Variants in EFCC1 observed in about 807,000 individuals in gnomAD.
EFCC1 encodes EF-hand and coiled-coil domain containing 1, also known as EF-hand and coiled-coil domain-containing protein 1.
Under a neutral mutation model 52.1 loss-of-function variants are expected in EFCC1, and 50 were observed. That is an observed-to-expected ratio of 0.96 (90% CI 0.76 to 1.21). EFCC1 has a LOEUF of 1.21. EFCC1 is among the 50% of genes most tolerant of loss of function. The probability of loss-of-function intolerance (pLI) is 0.00; values close to 1 mark genes in which losing one functional copy is unlikely to be tolerated. For missense variants in EFCC1, 837 were observed against 867.3 expected, an observed-to-expected ratio of 0.97 and a Z score of 0.44; for synonymous variants, 399 against 396.5, an observed-to-expected ratio of 1.01 and a Z score of -0.08.
chr3:129,009,453 A>G (rs1269040747), intron 2 of EFCC1, among the ~76,000 whole-genome samples: 1 of 152,206 alleles, frequency 6.6e-6, no homozygotes, highest in African/African-American at 2.4e-5. Flanking sequence ...ACCATCTGTC[A>G]TCTGAACCAT....
intron 2 of EFCC1, among the ~76,000 whole-genome samples, chr3:129,018,151 C>T (rs1253888730): frequency 1.3e-5 from 2 of 152,116 alleles, no homozygotes; most frequent in Non-Finnish European, 2.9e-5. Flanking sequence ...TTAGGAAATC[C>T]AGAGGTGCTG....
At chr3:129,005,301 A>G (rs1279057860) in intron 2 of EFCC1, among the ~76,000 whole-genome samples, 2 of 152,254 alleles carry the variant, frequency 1.3e-5, no homozygotes. Flanking sequence ...TTACCGGGCC[A>G]GATGGAGAGA....
intron 2 of EFCC1, among the ~76,000 whole-genome samples, chr3:129,012,349 C>T (rs1488661610): frequency 6.6e-6 from 1 of 152,126 alleles, no homozygotes; most frequent in Non-Finnish European, 1.5e-5. Flanking sequence ...CTGGGGTGTG[C>T]CTGCATTTGC....
chr3:129,007,590 TCTC>T (rs1484772201), intron 2 of EFCC1, among the ~76,000 whole-genome samples: 1 of 152,260 alleles, frequency 6.6e-6, no homozygotes, highest in Non-Finnish European at 1.5e-5. Flanking sequence ...ACGCTGATCT[TCTC>T]ATCTTCCCTC....
intron 5 of EFCC1, among the ~76,000 whole-genome samples, chr3:129,035,107 T>A (rs1380301394): frequency 3.9e-5 from 6 of 152,240 alleles, no homozygotes; most frequent in Admixed American, 1.3e-4. Context: ...CCTAGCCCAC[T>A]GTGCTTTTAC....
intron 2 of EFCC1, among the ~76,000 whole-genome samples, chr3:129,029,583 T>TC (rs1946225779): frequency 9.5e-6 from 1 of 105,034 alleles, no homozygotes; most frequent in Non-Finnish European, 1.9e-5. Flanking sequence ...TTTTGTTTTT[T>TC]GGTTTTTTTT....
intron 6 of EFCC1, among the ~76,000 whole-genome samples, chr3:129,037,898 CAA>C (rs747476450): frequency 2.4e-4 from 23 of 96,408 alleles, no homozygotes; most frequent in Middle Eastern, 5.5e-3. Context: ...CCCACCTCTA[CAA>C]AAAAAAAAAA....
chr3:129,010,429 C>T lies in EFCC1; in HGVS notation c.980+6352C>T, dbSNP rs1945269956. 6.6e-6 allele frequency among the ~76,000 whole-genome samples: 1 copy of T among 152,048 alleles called. No homozygotes were observed. Among genetic ancestry groups the T allele is most frequent in the South Asian group, 2.1e-4 (1 of 4,824 alleles). On this transcript the variant is annotated intron_variant, in intron 2 of 7. Transcript: ENST00000683648. This position sits in a 1 kb window ranked among gnomAD's most constrained non-coding sequence, Gnocchi z 4.3. ...GAGACAGAGAGCCAGCTCAGCTCAGCCGGAACAGGGAGGAGAGGCCTGGCG... is the reference window on the plus strand; with the variant it reads ...GAGACAGAGAGCCAGCTCAGCTCAGTCGGAACAGGGAGGAGAGGCCTGGCG...
intron 2 of EFCC1, among the ~76,000 whole-genome samples, chr3:129,008,207 G>T (rs1211444264): frequency 6.6e-6 from 1 of 152,220 alleles, no homozygotes; most frequent in Non-Finnish European, 1.5e-5. Context: ...AAAACCCCAA[G>T]ACCAATAGGT....
chr3:129,033,031 G>A lies in EFCC1; in HGVS notation c.1286+65G>A, dbSNP rs182989493. The A allele has an allele frequency of 1.2e-4, 175 of 1,432,626 alleles. No individual in the cohort carries two copies. The African/African-American group carries it at 2.4e-3, about 19-fold the overall frequency. 88.7% of individuals were successfully genotyped at this position (1,432,626 alleles called of 1,614,324 possible). A position where few individuals can be genotyped will look rare whatever the true frequency, so the allele number is the denominator to read the frequency against. ...GCTCCAGAGGTGTCTGGGGAAGCCA[G>A]GAGCACCTGGGAGGCTGGTTAGCCT... is the stretch of plus-strand genomic sequence containing the variant. On this transcript the variant is annotated intron_variant, in intron 4 of 7. Transcript: ENST00000683648.
rs959855891 is a variant in EFCC1 at position 129,002,015 on chromosome 3, G to A, written c.387G>A (p.Ala129=). ...TDGDSDTDEE[A]RLALRAEPPE... ...GGGACTCAGATACCGATGAAGAGGC[G>A]CGCCTGGCGCTGCGCGCCGAGCCGC... Residue 129 remains alanine (A), a synonymous_variant, in exon 1 of 8, where the codon GCG becomes GCA. Coordinates refer to ENST00000683648, the MANE Select transcript of EFCC1 (RefSeq NM_001377500.1). 6.5e-7 allele frequency: 1 copy of A among 1,545,702 alleles called. No homozygotes were observed. Among genetic ancestry groups the A allele is most frequent in the Non-Finnish European group, 8.7e-7 (1 of 1,145,158 alleles).
At chr3:129,035,549 G>A (rs1338244372) in intron 5 of EFCC1, among the ~76,000 whole-genome samples, 1 of 152,212 alleles carries the variant, frequency 6.6e-6, no homozygotes, top group Non-Finnish European at 1.5e-5. Context: ...GCAGTAGATT[G>A]GACAAAGACC....
chr3:129,027,091 C>T (rs913274951), intron 2 of EFCC1, among the ~76,000 whole-genome samples: 24 of 152,136 alleles, frequency 1.6e-4, no homozygotes, highest in Admixed American at 3.9e-4. Context: ...CTTCCCGCTT[C>T]GTCGGTCATC....
intron 2 of EFCC1, among the ~76,000 whole-genome samples, chr3:129,005,131 A>G (rs946184976): frequency 6.6e-6 from 1 of 152,202 alleles, no homozygotes; most frequent in African/African-American, 2.4e-5. Context: ...CCCAGGCATC[A>G]GGGATGTGAC....
rs1394004857 is a variant in EFCC1 at position 129,010,217 on chromosome 3, G to A, written c.980+6140G>A. On this transcript the variant is annotated intron_variant, in intron 2 of 7. Transcript: ENST00000683648. The surrounding 1 kb of genome is among the most constrained non-coding windows in gnomAD (Gnocchi z 4.3). ...CAGTCCTCAGTAGAAGGTCTCTGGT[G>A]GGTTTGTGACATCTCGTCCTTTTGA... is the stretch of plus-strand genomic sequence containing the variant. Among the ~76,000 whole-genome samples, 1 of 152,228 alleles carries A rather than the reference G, an allele frequency of 6.6e-6. No individual in the cohort carries two copies. The highest frequency in any genetic ancestry group is 1.5e-5 in the Non-Finnish European group (1 of 68,034).
intron 1 of EFCC1, chr3:129,003,444 C>G (rs1052160965): frequency 3.6e-6 from 1 of 275,986 alleles, no homozygotes; most frequent in Non-Finnish European, 5.5e-6. Context: ...GAGGAACCGC[C>G]ACCCGGCAGG....
At chr3:129,038,476 G>A (rs1447979785) in intron 6 of EFCC1, among the ~76,000 whole-genome samples, 1 of 152,250 alleles carries the variant, frequency 6.6e-6, no homozygotes, top group East Asian at 1.9e-4. Context: ...GCTTTTTTCT[G>A]CTGGTTAAAA....
intron 2 of EFCC1, among the ~76,000 whole-genome samples, chr3:129,019,414 G>T (rs1208597478): frequency 6.6e-6 from 1 of 152,178 alleles, no homozygotes; most frequent in Non-Finnish European, 1.5e-5. Context: ...ACTCATCAGT[G>T]TTTGTCTTAG....
At chr3:129,021,978 T>C (rs1945865627) in intron 2 of EFCC1, among the ~76,000 whole-genome samples, 1 of 152,126 alleles carries the variant, frequency 6.6e-6, no homozygotes, top group African/African-American at 2.4e-5. Context: ...GGCGTCAGTG[T>C]GTTAGGGTTG....
Sources: gnomAD v4.1 joint callset for allele counts (sites outside exome capture counted in the v4.1 genomes callset) on GRCh38, gnomAD v4.1.1 for gene constraint, Gnocchi (gnomAD v3.1) non-coding constraint, MANE v1.5 for transcripts, NCBI Gene and HGNC (gene_info 2026-07-23, HGNC 2026-07-21) for gene names.